TACR3: variants seen among roughly 807,000 people sequenced by gnomAD.
TACR3 encodes the protein neuromedin-K receptor.
In TACR3, 34 loss-of-function variants were observed where a neutral mutation model predicts 35.0. That is an observed-to-expected ratio of 0.97 (90% CI 0.74 to 1.30). The LOEUF is 1.30. Among genes scored for constraint, TACR3 ranks in the 50% most tolerant of loss-of-function variants. The pLI, the probability that TACR3 is intolerant of heterozygous loss-of-function variation, is 0.00. For missense variants in TACR3, 558 were observed against 591.7 expected (o/e 0.94, Z 0.59); for synonymous variants, 233 against 221.1 (o/e 1.05, Z -0.48).
At chr4:103,688,993 C>T (rs1215684865) in intron 1 of TACR3, among the ~76,000 whole-genome samples, 1 of 151,984 alleles carries the variant, frequency 6.6e-6, no homozygotes, top group East Asian at 1.9e-4. Context: ...AGACTTGGAA[C>T]CAACACAAAT....
intron 1 of TACR3, among the ~76,000 whole-genome samples, chr4:103,708,629 G>A (rs144406081): frequency 0.028 from 4,215 of 152,248 alleles, 211 homozygotes; most frequent in African/African-American, 0.096. Context: ...GCAGCTCCTC[G>A]CTAGCAATGG....
chr4:103,712,605 A>G (rs148041960), intron 1 of TACR3, among the ~76,000 whole-genome samples: 17,788 of 152,240 alleles, frequency 0.12, 1,361 homozygotes, highest in East Asian at 0.37. Flanking sequence ...AATGGCAACA[A>G]AAGGCAAAAT....
intron 3 of TACR3, among the ~76,000 whole-genome samples, chr4:103,621,358 A>G (rs1724776415): frequency 1.3e-5 from 2 of 152,182 alleles, no homozygotes; most frequent in Admixed American, 6.5e-5. Context: ...GATGGAGATG[A>G]GAATAGAGGG....
chr4:103,611,064 C>A (rs1724502766), intron 3 of TACR3, among the ~76,000 whole-genome samples: 1 of 152,074 alleles, frequency 6.6e-6, no homozygotes, highest in Admixed American at 6.6e-5. Context: ...GTAATGCCTC[C>A]AGCTTTGTCC....
chr4:103,683,152 G>T (rs1722140553), intron 1 of TACR3, among the ~76,000 whole-genome samples: 1 of 151,930 alleles, frequency 6.6e-6, no homozygotes, highest in Non-Finnish European at 1.5e-5. Context: ...AAAATATTTT[G>T]AACAGAATGA....
At chr4:103,652,450 T>TG (rs1278327699) in intron 3 of TACR3, among the ~76,000 whole-genome samples, 1 of 152,088 alleles carries the variant, frequency 6.6e-6, no homozygotes, top group East Asian at 1.9e-4. Context: ...CTGCTGGGGA[T>TG]GGGATGGGGT....
At position 103,716,596 on chromosome 4, in the gene TACR3, A is replaced by T. The variant is rs940919498; in HGVS notation, c.548+2532T>A. On this transcript the variant is annotated intron_variant, in intron 1 of 4. Coordinates refer to ENST00000304883, the MANE Select transcript of TACR3 (RefSeq NM_001059.3). ...GCTTAAGGTTCTCCATTTGTAAGAT[A>T]CAGGCGTTCATTGAGGGAATATCTG... Among the ~76,000 whole-genome samples the T allele has an allele frequency of 7.2e-5, 11 of 152,164 alleles. No homozygotes were observed. In the South Asian group the frequency reaches 8.3e-4, roughly 11 times the overall value.
At chr4:103,676,193 A>T (rs1227087950) in intron 1 of TACR3, among the ~76,000 whole-genome samples, 1 of 152,174 alleles carries the variant, frequency 6.6e-6, no homozygotes, top group African/African-American at 2.4e-5. Flanking sequence ...GAGTCAATAT[A>T]ATTGTTAAGC....
intron 1 of TACR3, among the ~76,000 whole-genome samples, chr4:103,681,306 A>C (rs143167356): frequency 1.7e-4 from 26 of 152,180 alleles, no homozygotes; most frequent in Non-Finnish European, 3.4e-4. Context: ...ATCTCAAAAT[A>C]TAGTGTCTCT....
At chr4:103,687,540 T>G (rs1722278959) in intron 1 of TACR3, among the ~76,000 whole-genome samples, 1 of 152,144 alleles carries the variant, frequency 6.6e-6, no homozygotes, top group African/African-American at 2.4e-5. Context: ...ATAGGCAACT[T>G]CAGCAAAGTC....
intron 1 of TACR3, among the ~76,000 whole-genome samples, chr4:103,664,969 T>G (rs960770833): frequency 7.4e-6 from 1 of 134,912 alleles, no homozygotes; most frequent in African/African-American, 3.1e-5. Flanking sequence ...GCCTGGCTAG[T>G]TTTTTTTTTT....
At chr4:103,709,890 C>T (rs1440773696) in intron 1 of TACR3, among the ~76,000 whole-genome samples, 1 of 152,002 alleles carries the variant, frequency 6.6e-6, no homozygotes, top group African/African-American at 2.4e-5. Context: ...TTTAAACCAA[C>T]AAAGATCAAA....
chr4:103,591,448 G>T (rs766399489), intron 4 of TACR3, 39 bp downstream of exon 4: 40 of 1,603,618 alleles, frequency 2.5e-5, no homozygotes, highest in Non-Finnish European at 3.3e-5. Context: ...GTGAAGGTGG[G>T]TGTGACAAGC....
At chr4:103,654,101 A>G (rs1725680374) in intron 3 of TACR3, among the ~76,000 whole-genome samples, 1 of 149,566 alleles carries the variant, frequency 6.7e-6, no homozygotes, top group Non-Finnish European at 1.5e-5. Context: ...TGTTGGTGGG[A>G]CTGTAAACTA....
At chr4:103,604,669 C>A (rs182287663) in intron 3 of TACR3, among the ~76,000 whole-genome samples, 2,434 of 151,802 alleles carry the variant, frequency 0.016, 55 homozygotes, top group African/African-American at 0.056. Flanking sequence ...CCAGAATCTA[C>A]AAAGAATTTA....
intron 3 of TACR3, among the ~76,000 whole-genome samples, chr4:103,635,895 T>A (rs1360286423): frequency 6.6e-6 from 1 of 151,956 alleles, no homozygotes; most frequent in South Asian, 2.1e-4. Context: ...TCTCTTTCCA[T>A]TGTATTGTAA....
At chr4:103,628,898 C>T (rs182401686) in intron 3 of TACR3, among the ~76,000 whole-genome samples, 37 of 149,834 alleles carry the variant, frequency 2.5e-4, no homozygotes, top group Admixed American at 6.6e-4. Flanking sequence ...CAATAAAATA[C>T]TGACAAACTG....
chr4:103,624,818 G>A (rs73835388), intron 3 of TACR3, among the ~76,000 whole-genome samples: 2,398 of 152,228 alleles, frequency 0.016, 66 homozygotes, highest in African/African-American at 0.055. Context: ...TTTCTGAATA[G>A]GGTAACAGAT....
At chr4:103,687,367 A>G (rs1278743203) in intron 1 of TACR3, among the ~76,000 whole-genome samples, 2 of 152,200 alleles carry the variant, frequency 1.3e-5, no homozygotes, top group Non-Finnish European at 1.5e-5. Flanking sequence ...CAACACTCCT[A>G]TTCAACATAG....
Sources: allele counts gnomAD v4.1 joint callset (sites outside exome capture counted in the v4.1 genomes callset), GRCh38; gene constraint gnomAD v4.1.1; transcripts MANE v1.5; gene names NCBI Gene and HGNC (gene_info 2026-07-23, HGNC 2026-07-21).